Variants in SAMD5 observed in about 807,000 individuals in gnomAD.
SAMD5 encodes the protein sterile alpha motif domain-containing protein 5.
Under a neutral mutation model 11.3 loss-of-function variants are expected in SAMD5, and 13 were observed. The observed-to-expected ratio is 1.15, with a 90% CI of 0.75 to 1.83. The LOEUF is 1.83. Among genes scored for constraint, SAMD5 ranks in the 40% most tolerant of loss-of-function variants. SAMD5 has a pLI of 0.00. For synonymous variants in SAMD5, 129 were observed against 111.3 expected (o/e 1.16, Z -1.00); for missense variants, 255 against 239.1 (o/e 1.07, Z -0.44).
the SAMD5 span, among the ~76,000 whole-genome samples, chr6:147,915,920 G>C: frequency 2.7e-5 from 3 of 110,600 alleles, no homozygotes; most frequent in African/African-American, 1.1e-4. Context: ...CCCCACAACA[G>C]GCCCCGGTGT....
chr6:147,804,146 C>G, the SAMD5 span, among the ~76,000 whole-genome samples: 78 of 144,182 alleles, frequency 5.4e-4, 1 homozygote, highest in Admixed American at 1.0e-3. Context: ...GTCTTGCTGT[C>G]GGCCAGGCTG....
At chr6:147,709,760 T>C (rs1434384063) in intron 1 of SAMD5, among the ~76,000 whole-genome samples, 1 of 152,240 alleles carries the variant, frequency 6.6e-6, no homozygotes, top group Non-Finnish European at 1.5e-5. Flanking sequence ...TTCCTGAGGC[T>C]GTTCTCAGTT....
chr6:147,528,519 T>C (rs1384909636), intron 1 of SAMD5, among the ~76,000 whole-genome samples: 1 of 152,122 alleles, frequency 6.6e-6, no homozygotes, highest in East Asian at 1.9e-4. Context: ...ATCACCTCTT[T>C]AAAGGCCCTG....
chr6:147,540,075 TTCTTTTTTTTCTCTC>T (rs1476443517), intron 1 of SAMD5, among the ~76,000 whole-genome samples: 3 of 151,394 alleles, frequency 2.0e-5, no homozygotes, highest in African/African-American at 7.4e-5. Context: ...GGTGAGCAGT[TTCTTTTTTTTCTCTC>T]TCTTTTTTTT....
chr6:147,721,160 C>T (rs1355942887), intron 1 of SAMD5, among the ~76,000 whole-genome samples: 1 of 146,920 alleles, frequency 6.8e-6, no homozygotes, highest in Non-Finnish European at 1.5e-5. Flanking sequence ...AATAAACATA[C>T]GTGTGCATGT....
chr6:147,945,734 T>C, the SAMD5 span, among the ~76,000 whole-genome samples: 1 of 152,124 alleles, frequency 6.6e-6, no homozygotes, highest in Non-Finnish European at 1.5e-5. Context: ...TCCTCCTGGC[T>C]CTGTGTTGGA....
chr6:147,674,310 G>T (rs2128455774), intron 1 of SAMD5, among the ~76,000 whole-genome samples: 1 of 152,268 alleles, frequency 6.6e-6, no homozygotes, highest in Non-Finnish European at 1.5e-5. Context: ...CTTGGCCACT[G>T]GTATGTGCAG....
intron 1 of SAMD5, among the ~76,000 whole-genome samples, chr6:147,622,860 G>A (rs1178644086): frequency 6.6e-6 from 1 of 152,132 alleles, no homozygotes; most frequent in East Asian, 1.9e-4. Flanking sequence ...CATGGCGGAA[G>A]GTGAAAGGCA....
chr6:147,909,596 C>G, the SAMD5 span, among the ~76,000 whole-genome samples: 1 of 60,138 alleles, frequency 1.7e-5, no homozygotes, highest in Non-Finnish European at 3.1e-5. Context: ...TTCTTTCTTT[C>G]TTTCTTTCTT....
chr6:147,590,559 C>T (rs533194920), intron 1 of SAMD5, among the ~76,000 whole-genome samples: 105 of 152,206 alleles, frequency 6.9e-4, no homozygotes, highest in African/African-American at 1.3e-3. Flanking sequence ...ATTACAGGCA[C>T]GCACTGCCAT....
At chr6:147,720,664 A>G (rs1791537659) in intron 1 of SAMD5, among the ~76,000 whole-genome samples, 1 of 152,124 alleles carries the variant, frequency 6.6e-6, no homozygotes, top group Non-Finnish European at 1.5e-5. Context: ...CTGACTGTAT[A>G]TAAGACTTTA....
the SAMD5 span, among the ~76,000 whole-genome samples, chr6:147,872,760 C>T: frequency 4.6e-5 from 7 of 152,136 alleles, no homozygotes; most frequent in African/African-American, 1.7e-4. Flanking sequence ...AGTCTGATGG[C>T]ACTGTGTTCA....
chr6:147,747,441 T>C, the SAMD5 span, among the ~76,000 whole-genome samples: 1 of 152,230 alleles, frequency 6.6e-6, no homozygotes, highest in South Asian at 2.1e-4. Flanking sequence ...CTTCACTCAA[T>C]TGAATATGAT....
the SAMD5 span, among the ~76,000 whole-genome samples, chr6:147,838,064 T>C: frequency 6.6e-6 from 1 of 152,260 alleles, no homozygotes; most frequent in African/African-American, 2.4e-5. Context: ...ATGTATATTG[T>C]TAAGTGTGTG....
At chr6:147,917,829 T>G in the SAMD5 span, among the ~76,000 whole-genome samples, 2 of 152,156 alleles carry the variant, frequency 1.3e-5, no homozygotes, top group Non-Finnish European at 2.9e-5. Context: ...TTTCCCCATT[T>G]CTTGTTTTTG....
intron 1 of SAMD5, among the ~76,000 whole-genome samples, chr6:147,537,534 C>T (rs1300088035): frequency 1.3e-5 from 2 of 152,018 alleles, no homozygotes; most frequent in African/African-American, 4.8e-5. Context: ...GGGCGGAACA[C>T]GAGGTCAGGA....
the SAMD5 span, among the ~76,000 whole-genome samples, chr6:147,743,527 A>G: frequency 1.3e-5 from 2 of 151,998 alleles, no homozygotes; most frequent in Non-Finnish European, 2.9e-5. Context: ...AGTTGTAACT[A>G]CTCCTCAACT....
the SAMD5 span, among the ~76,000 whole-genome samples, chr6:147,911,003 T>C: frequency 3.9e-5 from 6 of 152,298 alleles, no homozygotes; most frequent in East Asian, 1.2e-3. Context: ...GAATTGAATG[T>C]TCTGTCAAAT....
chr6:147,565,441 G>A lies in SAMD5; in HGVS notation c.*985G>A, dbSNP rs940459772. The A allele has an allele frequency of 4.7e-5, 46 of 979,602 alleles. No individual in the cohort carries two copies. In the African/African-American group the frequency reaches 6.9e-4, roughly 15 times the overall value. The allele number at this position is 979,602 out of a possible 1,614,324, so 60.7% of individuals were successfully genotyped here. A position where few individuals can be genotyped will look rare whatever the true frequency, so the allele number is the denominator to read the frequency against. ...TTTTTCTAATTCTTATCGTCTTATC[G>A]TTCTTGTGTTTGGATGCTGGTAGTT... On this transcript the variant is annotated 3_prime_UTR_variant, in exon 2 of 2. Coordinates refer to ENST00000367474, the MANE Select transcript of SAMD5 (RefSeq NM_001030060.3).
Sources: gnomAD v4.1 joint callset for allele counts (sites outside exome capture counted in the v4.1 genomes callset) on GRCh38, gnomAD v4.1.1 for gene constraint, MANE v1.5 for transcripts, NCBI Gene and HGNC (gene_info 2026-07-23, HGNC 2026-07-21) for gene names.